The following LINGO2 variants were observed in gnomAD, a reference collection of about 807,000 sequenced individuals.
LINGO2 encodes leucine-rich repeat and immunoglobulin-like domain-containing nogo receptor-interacting protein 2.
Under a neutral mutation model 30.6 loss-of-function variants are expected in LINGO2, and 14 were observed. The observed-to-expected ratio is 0.46, with a 90% CI of 0.30 to 0.72. The LOEUF (loss-of-function observed/expected upper bound fraction) is 0.72. Among genes scored for constraint, LINGO2 ranks in the 30% least tolerant of loss-of-function variants. The pLI, the probability that LINGO2 is intolerant of heterozygous loss-of-function variation, is 0.07. For synonymous variants in LINGO2, 317 were observed against 288.5 expected, an observed-to-expected ratio of 1.10 and a Z score of -1.00; for missense variants, 729 against 751.7, an observed-to-expected ratio of 0.97 and a Z score of 0.35.
chr9:28,865,578 C>T, the LINGO2 span, among the ~76,000 whole-genome samples: 7 of 152,046 alleles, frequency 4.6e-5, no homozygotes, highest in African/African-American at 9.7e-5. Flanking sequence ...GTCAGGAGAT[C>T]GAGACCATCC....
chr9:28,290,970 T>C (rs539916675), intron 4 of LINGO2, among the ~76,000 whole-genome samples: 1 of 152,262 alleles, frequency 6.6e-6, no homozygotes, highest in East Asian at 1.9e-4. Flanking sequence ...GAATGGTGTA[T>C]ATAAGCTGCA....
At chr9:29,201,000 C>T in the LINGO2 span, among the ~76,000 whole-genome samples, 1 of 151,894 alleles carries the variant, frequency 6.6e-6, no homozygotes, top group Non-Finnish European at 1.5e-5. Flanking sequence ...ATCAAGGGTA[C>T]GTTCTATCAC....
chr9:29,165,441 G>A, the LINGO2 span, among the ~76,000 whole-genome samples: 4 of 151,808 alleles, frequency 2.6e-5, no homozygotes, highest in African/African-American at 9.7e-5. Context: ...ACCCAGAATT[G>A]GCTATTTCCC....
chr9:28,647,372 C>CT (rs1445631716), intron 1 of LINGO2, among the ~76,000 whole-genome samples: 1 of 152,026 alleles, frequency 6.6e-6, no homozygotes, highest in African/African-American at 2.4e-5. Flanking sequence ...TTCCTTCTAA[C>CT]TACTTCTTTA....
chr9:28,725,792 A>T, the LINGO2 span, among the ~76,000 whole-genome samples: 1 of 143,200 alleles, frequency 7.0e-6, no homozygotes, highest in Non-Finnish European at 1.5e-5. Context: ...AAGGAAACTT[A>T]AAAATTAACA....
At chr9:28,743,895 T>C in the LINGO2 span, among the ~76,000 whole-genome samples, 1 of 151,728 alleles carries the variant, frequency 6.6e-6, no homozygotes, top group Non-Finnish European at 1.5e-5. Flanking sequence ...TATTTGTAAA[T>C]TTTTCTGTCC....
chr9:29,053,818 T>C, the LINGO2 span, among the ~76,000 whole-genome samples: 2 of 152,190 alleles, frequency 1.3e-5, no homozygotes, highest in African/African-American at 4.8e-5. Context: ...CAAGAAAATA[T>C]ATTCTACCAA....
In LINGO2 at chr9:28,124,379, A is replaced by G. The variant is rs117852354; in HGVS notation, c.-86-111974T>C. Among the ~76,000 whole-genome samples, 866 of 152,352 alleles carry G rather than the reference A, an allele frequency of 5.7e-3. 12 individuals carry two copies. Among genetic ancestry groups the G allele is most frequent in the Admixed American group, 0.028 (421 of 15,302 alleles). ...CTTCTCTTTACAGGAACAGAAGATTACACTTCAATTTTTTTCCACTGGCAA... is the reference window on the plus strand; with the variant it reads ...CTTCTCTTTACAGGAACAGAAGATTGCACTTCAATTTTTTTCCACTGGCAA... On this transcript the variant is annotated intron_variant, in intron 4 of 5. Coordinates refer to ENST00000379992, the Ensembl canonical transcript of LINGO2.
the LINGO2 span, among the ~76,000 whole-genome samples, chr9:29,165,495 C>T: frequency 6.6e-6 from 1 of 151,986 alleles, no homozygotes; most frequent in South Asian, 2.1e-4. Context: ...CCAGCCATAA[C>T]CTTAAACCTG....
intron 1 of LINGO2, among the ~76,000 whole-genome samples, chr9:28,604,126 C>G (rs1482539356): frequency 6.6e-6 from 1 of 151,886 alleles, no homozygotes; most frequent in Non-Finnish European, 1.5e-5. Flanking sequence ...GCAGGACAGA[C>G]CATTTAACAA....
chr9:28,482,882 C>T (rs552127608), intron 1 of LINGO2, among the ~76,000 whole-genome samples: 3 of 152,162 alleles, frequency 2.0e-5, no homozygotes, highest in Admixed American at 1.3e-4. Flanking sequence ...GACCTAAAAT[C>T]ATAAAAACCC....
intron 1 of LINGO2, among the ~76,000 whole-genome samples, chr9:28,499,189 G>A (rs1207411418): frequency 6.6e-6 from 1 of 152,068 alleles, no homozygotes; most frequent in Admixed American, 6.6e-5. Context: ...GAGATGCAGA[G>A]GAATGAAGAT....
chr9:28,711,577 A>T, the LINGO2 span, among the ~76,000 whole-genome samples: 1 of 152,160 alleles, frequency 6.6e-6, no homozygotes, highest in Non-Finnish European at 1.5e-5. Flanking sequence ...CATCCTAGAG[A>T]AATTAATATA....
intron 4 of LINGO2, among the ~76,000 whole-genome samples, chr9:28,266,529 G>T (rs973808225): frequency 6.6e-6 from 1 of 151,916 alleles, no homozygotes; most frequent in Admixed American, 6.6e-5. Flanking sequence ...TTTCAAATCA[G>T]TTAACAGAAA....
rs763284293 is a variant in LINGO2, at chr9:27,981,534, C to CAAAAAAAAAAAAAAAA, written c.-36+30805_-36+30820dup. Among the ~76,000 whole-genome samples, 180 of 39,774 alleles carry CAAAAAAAAAAAAAAAA rather than the reference C, an allele frequency of 4.5e-3. 9 individuals are homozygous for CAAAAAAAAAAAAAAAA. The highest frequency in any genetic ancestry group is 7.7e-3 in the Non-Finnish European group (144 of 18,660). The allele number at this position is 39,774 out of a possible 152,430, so 26.1% of individuals were successfully genotyped here. ...ATGAAAGGATAAATGACGAGGATGGCAAAAAAAAAAAAAAAAGAAAAAAAA... is the reference window on the plus strand; with the variant it reads ...ATGAAAGGATAAATGACGAGGATGGCAAAAAAAAAAAAAAAAAAAAAAAAAAAAAAAAGAAAAAAAA... On this transcript the variant is annotated intron_variant, in intron 5 of 5. Transcript: ENST00000379992.
rs1385904875 is a variant in LINGO2, at chr9:28,634,510, G to C, written c.-365+35690C>G. Among the ~76,000 whole-genome samples the C allele has an allele frequency of 9.0e-5, 12 of 132,702 alleles. No homozygotes were observed. The Admixed American group carries it at 1.0e-3, about 11-fold the overall frequency. 87.1% of individuals were successfully genotyped at this position (132,702 alleles called of 152,430 possible). ...CTTTTTTTTTTTTTTTTTTGAAATGGAGTTTCACTCTGTAACCCAGGCTGG... is the reference window on the plus strand; with the variant it reads ...CTTTTTTTTTTTTTTTTTTGAAATGCAGTTTCACTCTGTAACCCAGGCTGG... On this transcript the variant is annotated intron_variant, in intron 1 of 5. Coordinates refer to ENST00000379992, the Ensembl canonical transcript of LINGO2.
the LINGO2 span, among the ~76,000 whole-genome samples, chr9:29,131,094 T>C: frequency 6.6e-6 from 1 of 152,198 alleles, no homozygotes; most frequent in African/African-American, 2.4e-5. Context: ...GTTTTACAAC[T>C]TAATTGCTTT....
intron 1 of LINGO2, among the ~76,000 whole-genome samples, chr9:28,573,687 G>A (rs531236624): frequency 3.9e-5 from 6 of 152,206 alleles, no homozygotes; most frequent in South Asian, 4.1e-4. Context: ...AGAAATAGTC[G>A]TGGCAAGGTT....
intron 1 of LINGO2, among the ~76,000 whole-genome samples, chr9:28,588,156 T>G (rs963183179): frequency 1.3e-5 from 2 of 151,988 alleles, no homozygotes; most frequent in Non-Finnish European, 2.9e-5. Context: ...ACTAAGGACA[T>G]AGTTCAGTAA....
Sources: allele counts gnomAD v4.1 joint callset (sites outside exome capture counted in the v4.1 genomes callset), GRCh38; gene constraint gnomAD v4.1.1; transcripts MANE v1.5; gene names NCBI Gene and HGNC (gene_info 2026-07-23, HGNC 2026-07-21).